DENND6A: variants seen among roughly 807,000 people sequenced by gnomAD.
The protein encoded by DENND6A is protein DENND6A.
DENND6A carries 43 observed loss-of-function variants against 95.5 expected under a neutral mutation model. That is an observed-to-expected ratio of 0.45 (90% CI 0.35 to 0.58). The LOEUF (loss-of-function observed/expected upper bound fraction) is 0.58, where lower values mean the gene tolerates loss of function less well. DENND6A is among the 20% of genes least tolerant of loss of function. The pLI is 0.00. For missense variants in DENND6A, 574 were observed against 736.0 expected, an observed-to-expected ratio of 0.78 and a Z score of 2.55; for synonymous variants, 257 against 260.4, an observed-to-expected ratio of 0.99 and a Z score of 0.13.
In DENND6A at chr3:57,661,571, A is replaced by G. The variant is rs779983401; in HGVS notation, c.514-20T>C. On this transcript the variant is annotated intron_variant, in intron 5 of 19. Transcript: ENST00000311128. The stretch of plus-strand genomic sequence containing the variant: ...CAAGGACTGAGGAAAAAACAAAAAC[A>G]ATGTTTTAAAAATTGCTTTGTCATT... The G allele has an allele frequency of 6.5e-6, 10 of 1,543,018 alleles. No individual in the cohort carries two copies. In the African/African-American group the frequency reaches 1.4e-4, roughly 22 times the overall value.
At chr3:57,690,660 G>A (rs922333915) in intron 1 of DENND6A, among the ~76,000 whole-genome samples, 5 of 150,728 alleles carry the variant, frequency 3.3e-5, no homozygotes, top group Non-Finnish European at 7.4e-5. Flanking sequence ...CTCCAGCCTG[G>A]CTGACAAAGT....
Position 57,646,405 on chromosome 3 carries a change from C to T in DENND6A, c.852G>A (p.Met284Ile). The change falls in exon 10 of 20, where the codon ATG becomes ATA. Residue 284 changes from methionine to isoleucine, a missense_variant. Coordinates refer to ENST00000311128, the MANE Select transcript of DENND6A (RefSeq NM_152678.3). ...CFCPVFLHSQ[M>I]LWELVLLGEP... is the part of the protein sequence containing the mutation. ...CCCCCAACAGCACCAGCTCCCAGAG[C>T]ATCTGACTATGAAGGAAAACTGGGC... The T allele has an allele frequency of 6.2e-7, 1 of 1,613,944 alleles. No homozygotes were observed. The highest frequency in any genetic ancestry group is 8.5e-7 in the Non-Finnish European group (1 of 1,179,966).
intron 8 of DENND6A, among the ~76,000 whole-genome samples, chr3:57,658,014 A>C (rs1296645289): frequency 1.3e-5 from 2 of 152,008 alleles, no homozygotes; most frequent in Non-Finnish European, 2.9e-5. Flanking sequence ...AGGCGGGCGG[A>C]TCACAAGGTC....
intron 9 of DENND6A, among the ~76,000 whole-genome samples, chr3:57,649,943 C>T (rs895091069): frequency 2.8e-5 from 4 of 145,350 alleles, no homozygotes; most frequent in African/African-American, 5.3e-5. Context: ...ACACACACAC[C>T]GTGGAATACT....
At chr3:57,677,401 T>C (rs1367606883) in intron 1 of DENND6A, among the ~76,000 whole-genome samples, 1 of 148,740 alleles carries the variant, frequency 6.7e-6, no homozygotes, top group Non-Finnish European at 1.5e-5. Context: ...TATGCCAGTT[T>C]GGGCTAACTT....
rs2070513293 is a variant in DENND6A at position 57,625,690 on chromosome 3, C to T, written c.*2524G>A. 1 of 152,110 alleles carries T rather than the reference C, an allele frequency of 6.6e-6. No individual in the cohort carries two copies. Among genetic ancestry groups the T allele is most frequent in the Non-Finnish European group, 1.5e-5 (1 of 67,988 alleles). The allele number at this position is 152,110 out of a possible 1,614,324, so 9.4% of individuals were successfully genotyped here. A position where few individuals can be genotyped will look rare whatever the true frequency, so the allele number is the denominator to read the frequency against. On this transcript the variant is annotated 3_prime_UTR_variant, in exon 20 of 20. Coordinates refer to ENST00000311128, the MANE Select transcript of DENND6A (RefSeq NM_152678.3). ...ATCACGCACCAAAAATTATCAGTCA[C>T]TCTTTCCCAGGTTCCCAGTGCAAAT... is the stretch of plus-strand genomic sequence containing the variant.
intron 11 of DENND6A, among the ~76,000 whole-genome samples, chr3:57,644,119 C>A (rs1343660596): frequency 1.3e-5 from 2 of 150,672 alleles, no homozygotes; most frequent in Admixed American, 1.3e-4. Context: ...CATTGCACTC[C>A]CTCCTGGATG....
rs555771515 is a variant in DENND6A, at chr3:57,677,453, G to A, written c.238-5015C>T. Among the ~76,000 whole-genome samples, 441 of 108,096 alleles carry A rather than the reference G, an allele frequency of 4.1e-3. 2 individuals carry two copies. The highest frequency in any genetic ancestry group is 5.9e-3 in the Non-Finnish European group (343 of 57,758). The allele number at this position is 108,096 out of a possible 152,430, so 70.9% of individuals were successfully genotyped here. On this transcript the variant is annotated intron_variant, in intron 1 of 19. Coordinates refer to ENST00000311128, the MANE Select transcript of DENND6A (RefSeq NM_152678.3). Reference sequence around the variant, plus strand: ...TTTTTTTTTTTTTTTTTGAGACAGAGTCTCCAGAGTCTCATTCTGTCACCA... The same window carrying A: ...TTTTTTTTTTTTTTTTTGAGACAGAATCTCCAGAGTCTCATTCTGTCACCA...
At chr3:57,670,852 A>G (rs2071605024) in intron 3 of DENND6A, among the ~76,000 whole-genome samples, 1 of 152,238 alleles carries the variant, frequency 6.6e-6, no homozygotes, top group Non-Finnish European at 1.5e-5. Flanking sequence ...TCTGCAATCC[A>G]TACAACTCAG....
In DENND6A at chr3:57,682,281, C is replaced by CAAAAAAAA. The variant is rs10618015; in HGVS notation, c.238-9851_238-9844dup. 5.0e-4 allele frequency among the ~76,000 whole-genome samples: 27 copies of CAAAAAAAA among 53,564 alleles called. 1 individual carries two copies. Among genetic ancestry groups the CAAAAAAAA allele is most frequent in the African/African-American group, 2.2e-3 (27 of 12,194 alleles). 35.1% of individuals were successfully genotyped at this position (53,564 alleles called of 152,430 possible). A position where few individuals can be genotyped will look rare whatever the true frequency, so the allele number is the denominator to read the frequency against. On this transcript the variant is annotated intron_variant, in intron 1 of 19. Coordinates refer to ENST00000311128, the MANE Select transcript of DENND6A (RefSeq NM_152678.3). The stretch of plus-strand genomic sequence containing the variant: ...GGGCAACAAGAGTGAGACTCCGTCT[C>CAAAAAAAA]AAAAAAAAAAAAAAAAAAAAAAAAA...
intron 11 of DENND6A, among the ~76,000 whole-genome samples, chr3:57,642,824 G>A (rs2070977812): frequency 6.6e-6 from 1 of 152,080 alleles, no homozygotes; most frequent in Admixed American, 6.5e-5. Context: ...TGGCCAACAC[G>A]GTGAAACCCC....
intron 1 of DENND6A, among the ~76,000 whole-genome samples, chr3:57,678,643 A>G (rs1215929916): frequency 1.3e-5 from 2 of 152,230 alleles, no homozygotes; most frequent in Admixed American, 6.5e-5. Flanking sequence ...TGCCCTTATA[A>G]GAGGAAACAC....
chr3:57,662,811 A>T (rs918833078), intron 5 of DENND6A, among the ~76,000 whole-genome samples: 1 of 151,710 alleles, frequency 6.6e-6, no homozygotes, highest in Non-Finnish European at 1.5e-5. Flanking sequence ...TAATAATAAT[A>T]AAAAAAAGAT....
At chr3:57,662,333 G>A (rs903856888) in intron 5 of DENND6A, among the ~76,000 whole-genome samples, 5 of 151,598 alleles carry the variant, frequency 3.3e-5, no homozygotes, top group African/African-American at 1.2e-4. Context: ...TGGGACTACA[G>A]GTGTATGCCA....
At chr3:57,691,922 G>A (rs1361522831) in intron 1 of DENND6A, among the ~76,000 whole-genome samples, 1 of 127,082 alleles carries the variant, frequency 7.9e-6, no homozygotes, top group African/African-American at 2.5e-5. Flanking sequence ...TGTTCCAGAG[G>A]CAACATAAAA....
chr3:57,633,281 C>T lies in DENND6A; in HGVS notation c.1337G>A (p.Ser446Asn). The change falls in exon 15 of 20, where the codon AGT (serine) becomes AAT (asparagine). Residue 446 changes from serine (S) to asparagine (N), a missense_variant. Physicochemically the swap from Ser to Asn is conservative, Grantham distance 46. Transcript: ENST00000311128. The part of the protein sequence containing the change: ...LRRYFLELTQ[S>N]FIIPLERYVA... The stretch of plus-strand genomic sequence containing the variant: ...TTAACTTACTAATGGAATGATGAAA[C>T]TTTGTGTCAGTTCCAAAAAATAGCG... 6.2e-7 allele frequency: 1 copy of T among 1,613,472 alleles called. No homozygotes were observed. Among genetic ancestry groups the T allele is most frequent in the Non-Finnish European group, 8.5e-7 (1 of 1,179,780 alleles).
chr3:57,641,495 C>G (rs1281869267), intron 12 of DENND6A, among the ~76,000 whole-genome samples, 158 bp downstream of exon 12: 1 of 150,440 alleles, frequency 6.6e-6, no homozygotes, highest in Non-Finnish European at 1.5e-5. Context: ...ATTATAAGAG[C>G]CTGCATATTT....
chr3:57,660,704 T>A, intron 7 of DENND6A, 56 bp downstream of exon 7: 2 of 1,490,380 alleles, frequency 1.3e-6, no homozygotes, highest in Non-Finnish European at 1.8e-6. Context: ...CAAGACCCTG[T>A]CTCAAAAAAA....
intron 8 of DENND6A, 73 bp downstream of exon 8, chr3:57,659,045 C>T: frequency 7.2e-7 from 1 of 1,382,924 alleles, no homozygotes; most frequent in Non-Finnish European, 1.0e-6. Context: ...AGAAACTCTG[C>T]ATTTGCTAGT....
Sources: gnomAD v4.1 joint callset for allele counts (sites outside exome capture counted in the v4.1 genomes callset) on GRCh38, gnomAD v4.1.1 for gene constraint, MANE v1.5 for transcripts, NCBI Gene and HGNC (gene_info 2026-07-23, HGNC 2026-07-21) for gene names.